Variants in XKR6 observed in about 807,000 individuals in gnomAD.
XKR6 encodes the protein XK-related protein 6.
A neutral mutation model predicts 56.7 loss-of-function variants in XKR6; 22 were observed. That is an observed-to-expected ratio of 0.39 (90% confidence interval 0.28 to 0.55). The LOEUF is 0.55. Ranked by LOEUF, XKR6 falls within the 20% of genes least tolerant of loss-of-function variation. XKR6 has a pLI of 0.66. For synonymous variants in XKR6, 524 were observed against 387.8 expected (o/e 1.35, Z -4.13); for missense variants, 852 against 889.0 (o/e 0.96, Z 0.53).
intron 2 of XKR6, among the ~76,000 whole-genome samples, chr8:10,921,328 G>A (rs1226675832): frequency 1.3e-5 from 2 of 152,232 alleles, no homozygotes; most frequent in African/African-American, 4.8e-5. Context: ...CCTGGCCCAT[G>A]CCAGCCCATA....
intron 1 of XKR6, among the ~76,000 whole-genome samples, chr8:11,129,332 T>A (rs1382828480): frequency 1.3e-5 from 2 of 152,246 alleles, no homozygotes; most frequent in Non-Finnish European, 2.9e-5. Context: ...AAAAGTTTTA[T>A]CACTGCAGTT....
chr8:10,940,521 C>T (rs976224198), intron 1 of XKR6, among the ~76,000 whole-genome samples: 2 of 152,190 alleles, frequency 1.3e-5, no homozygotes, highest in Non-Finnish European at 2.9e-5. Flanking sequence ...GCATAGCAAG[C>T]CCTAGCAGAA....
chr8:11,140,985 G>A (rs76067521), intron 1 of XKR6, among the ~76,000 whole-genome samples: 3,087 of 149,546 alleles, frequency 0.021, 97 homozygotes, highest in African/African-American at 0.072. Context: ...ATATATGAAA[G>A]ACTGCTGTGA....
chr8:11,072,346 G>C (rs1247926869), intron 1 of XKR6, among the ~76,000 whole-genome samples: 5 of 150,870 alleles, frequency 3.3e-5, no homozygotes, highest in African/African-American at 1.2e-4. Flanking sequence ...TTTTGGTAAG[G>C]TCTGCTGGAG....
intron 1 of XKR6, among the ~76,000 whole-genome samples, chr8:10,951,304 G>A (rs148214231): frequency 6.8e-6 from 1 of 147,422 alleles, no homozygotes; most frequent in African/African-American, 2.7e-5. Flanking sequence ...TGTGTGGGGG[G>A]GGGGGGCCCC....
chr8:11,034,925 A>G (rs17779139), intron 1 of XKR6, among the ~76,000 whole-genome samples: 2,520 of 152,318 alleles, frequency 0.017, 39 homozygotes, highest in Non-Finnish European at 0.023. Flanking sequence ...ATACTAATGT[A>G]CTAGCCAAAC....
At chr8:10,928,594 C>T (rs1352442848) in intron 1 of XKR6, among the ~76,000 whole-genome samples, 1 of 152,186 alleles carries the variant, frequency 6.6e-6, no homozygotes, top group Non-Finnish European at 1.5e-5. Context: ...GAAGCGGCCT[C>T]GACCCGCGGC....
At chr8:11,195,146 A>G (rs1366094389) in intron 1 of XKR6, 1 of 703,258 alleles carries the variant, frequency 1.4e-6, no homozygotes, top group East Asian at 2.7e-5. Context: ...GGAGAAGGGA[A>G]GAAACCAGGT....
chr8:11,045,136 G>C (rs1315335599), intron 1 of XKR6, among the ~76,000 whole-genome samples: 1 of 134,162 alleles, frequency 7.5e-6, no homozygotes, highest in East Asian at 2.3e-4. Context: ...GCCCAGGCCG[G>C]AGTGCAGTGG....
At chr8:10,942,323 C>T (rs1318244393) in intron 1 of XKR6, among the ~76,000 whole-genome samples, 3 of 152,244 alleles carry the variant, frequency 2.0e-5, no homozygotes, top group Non-Finnish European at 4.4e-5. Flanking sequence ...ACCAAATATC[C>T]ATACATGCAA....
At chr8:11,150,209 T>A (rs1489655157) in intron 1 of XKR6, among the ~76,000 whole-genome samples, 1 of 152,122 alleles carries the variant, frequency 6.6e-6, no homozygotes, top group African/African-American at 2.4e-5. Context: ...TTTGTGTATT[T>A]CAAAGTAGCT....
chr8:10,984,701 T>TCC (rs1797814198), intron 1 of XKR6, among the ~76,000 whole-genome samples: 1 of 61,554 alleles, frequency 1.6e-5, no homozygotes, highest in African/African-American at 8.3e-5. Flanking sequence ...CATGGCTCTC[T>TCC]CTCTCTCTCT....
chr8:11,164,591 A>G (rs1245469434), intron 1 of XKR6, among the ~76,000 whole-genome samples: 1 of 152,232 alleles, frequency 6.6e-6, no homozygotes. Flanking sequence ...GCATTACATT[A>G]TAAGGTATGT....
chr8:11,055,701 C>T (rs1799664587), intron 1 of XKR6, among the ~76,000 whole-genome samples: 1 of 152,190 alleles, frequency 6.6e-6, no homozygotes, highest in African/African-American at 2.4e-5. Flanking sequence ...TAGGACTTTG[C>T]TTGCACAGGG....
chr8:11,098,642 CA>C (rs1798351428), intron 1 of XKR6, among the ~76,000 whole-genome samples: 1 of 152,196 alleles, frequency 6.6e-6, no homozygotes, highest in Admixed American at 6.5e-5. Flanking sequence ...ATATCCCTTA[CA>C]GAAAGGTTCA....
At chr8:11,028,552 A>G (rs1798921203) in intron 1 of XKR6, among the ~76,000 whole-genome samples, 1 of 152,338 alleles carries the variant, frequency 6.6e-6, no homozygotes, top group African/African-American at 2.4e-5. Context: ...CCCACCAGCA[A>G]TGAATGAGAG....
intron 1 of XKR6, among the ~76,000 whole-genome samples, chr8:11,026,471 G>A (rs951582933): frequency 1.3e-5 from 2 of 151,386 alleles, no homozygotes; most frequent in Non-Finnish European, 2.9e-5. Flanking sequence ...CACCTAGATG[G>A]TCTAGCCTAC....
chr8:10,977,831 T>G (rs1256766805), intron 1 of XKR6, among the ~76,000 whole-genome samples: 3 of 151,822 alleles, frequency 2.0e-5, no homozygotes, highest in Admixed American at 2.0e-4. Context: ...AGTGAGCTAA[T>G]TTTTGAAAAG....
chr8:11,030,200 C>T (rs545298317), intron 1 of XKR6, among the ~76,000 whole-genome samples: 4 of 152,306 alleles, frequency 2.6e-5, no homozygotes, highest in Non-Finnish European at 4.4e-5. Context: ...TCCACCTCCG[C>T]GTGGCTCCAC....
Sources: allele counts gnomAD v4.1 joint callset (sites outside exome capture counted in the v4.1 genomes callset), GRCh38; gene constraint gnomAD v4.1.1; transcripts MANE v1.5; gene names NCBI Gene and HGNC (gene_info 2026-07-23, HGNC 2026-07-21).